The following RB1CC1 variants were observed in gnomAD, a reference collection of about 807,000 sequenced individuals.
RB1CC1 encodes RB1 inducible coiled-coil 1.
RB1CC1 carries 46 observed loss-of-function variants against 177.5 expected under a neutral mutation model. That is an observed-to-expected ratio of 0.26 (90% CI 0.20 to 0.33). RB1CC1 has a LOEUF of 0.33. Among genes scored for constraint, RB1CC1 ranks in the 10% least tolerant of loss-of-function variants. RB1CC1 has a pLI of 1.00. For synonymous variants in RB1CC1, 666 were observed against 613.6 expected (o/e 1.09, Z -1.26); for missense variants, 1,703 against 1,816.3 (o/e 0.94, Z 1.13).
At chr8:52,670,205 T>C (rs982043439) in intron 7 of RB1CC1, among the ~76,000 whole-genome samples, 1 of 152,216 alleles carries the variant, frequency 6.6e-6, no homozygotes, top group South Asian at 2.1e-4. Context: ...AGTGCTAGGA[T>C]TATAGGCATG....
At chr8:52,692,241 C>T (rs1854939120) in intron 1 of RB1CC1, among the ~76,000 whole-genome samples, 1 of 151,988 alleles carries the variant, frequency 6.6e-6, no homozygotes, top group Non-Finnish European at 1.5e-5. Context: ...AAACTGTCTG[C>T]TCTCATGAAT....
intron 1 of RB1CC1, among the ~76,000 whole-genome samples, chr8:52,688,014 A>G: frequency 6.6e-6 from 1 of 152,174 alleles, no homozygotes; most frequent in East Asian, 1.9e-4. Flanking sequence ...GTTGCCAAAT[A>G]ATACTTTTAT....
intron 3 of RB1CC1, among the ~76,000 whole-genome samples, chr8:52,684,422 T>G (rs917558778): frequency 1.3e-5 from 2 of 152,208 alleles, no homozygotes; most frequent in Non-Finnish European, 2.9e-5. Context: ...ATAATTCAAT[T>G]TTTACAACAA....
At chr8:52,654,529 G>T (rs1432162615) in intron 15 of RB1CC1, among the ~76,000 whole-genome samples, 1 of 152,210 alleles carries the variant, frequency 6.6e-6, no homozygotes, top group Non-Finnish European at 1.5e-5. Context: ...CTTGAATCTT[G>T]TAGCAGCTTC....
intron 1 of RB1CC1, among the ~76,000 whole-genome samples, chr8:52,694,647 T>G (rs1386768922): frequency 6.6e-6 from 1 of 152,152 alleles, no homozygotes; most frequent in East Asian, 1.9e-4. Flanking sequence ...TGCACATACT[T>G]TAGTTAATAC....
rs1853982291 is a variant in RB1CC1, at chr8:52,683,676, C to T, written c.242G>A (p.Cys81Tyr). Residue 81 changes from cysteine (C) to tyrosine (Y), a missense_variant, in exon 5 of 24, where the codon TGT becomes TAT. Cys to Tyr is a radical substitution (Grantham distance 194, BLOSUM62 -2). Transcript: ENST00000025008. ...TTTAGGAATAGCAGGTGGACGATCACATAAGATCATTTCTTTGTTAAAAAG... is the reference window on the plus strand; with the variant it reads ...TTTAGGAATAGCAGGTGGACGATCATATAAGATCATTTCTTTGTTAAAAAG... ...IFLFNKEMIL[C>Y]DRPPAIPKTT... 1 of 1,603,996 alleles carries T rather than the reference C, an allele frequency of 6.2e-7. No individual in the cohort carries two copies. The highest frequency in any genetic ancestry group is 8.5e-7 in the Non-Finnish European group (1 of 1,176,698).
chr8:52,643,079 A>G (rs1208202049), intron 16 of RB1CC1: 2 of 258,824 alleles, frequency 7.7e-6, no homozygotes, highest in African/African-American at 2.2e-5. Flanking sequence ...AATTTTGAAG[A>G]ATTAGAAGCA....
intron 8 of RB1CC1, among the ~76,000 whole-genome samples, chr8:52,662,887 G>A (rs529777788): frequency 2.0e-5 from 3 of 151,494 alleles, no homozygotes; most frequent in South Asian, 2.1e-4. Context: ...AACTCCTTTC[G>A]CAAAGTCTGG....
intron 1 of RB1CC1, among the ~76,000 whole-genome samples, chr8:52,691,756 G>C (rs1002913931): frequency 4.6e-5 from 7 of 152,114 alleles, no homozygotes; most frequent in African/African-American, 1.4e-4. Flanking sequence ...GTCTACCCAA[G>C]AACAACAGAG....
At chr8:52,629,014 T>C (rs1019336826) in intron 21 of RB1CC1, among the ~76,000 whole-genome samples, 6 of 152,148 alleles carry the variant, frequency 3.9e-5, no homozygotes, top group Non-Finnish European at 8.8e-5. Context: ...AGATGGGAAA[T>C]GGGGCCTCTA....
Position 52,659,007 on chromosome 8 carries a change from T to A in RB1CC1, c.1690-31A>T, listed in dbSNP as rs766133498. On this transcript the variant is annotated intron_variant, in intron 12 of 23. Coordinates refer to ENST00000025008, the MANE Select transcript of RB1CC1 (RefSeq NM_014781.5). ...CCAAAAAAATTAATTACTTAAAAAA[T>A]TTTTTTTCAACCAAAAACAGACAGC... The A allele has an allele frequency of 4.0e-4, 540 of 1,339,882 alleles. 3 individuals are homozygous for A. The East Asian group carries it at 4.5e-3, about 11-fold the overall frequency. The allele number at this position is 1,339,882 out of a possible 1,614,324, so 83.0% of individuals were successfully genotyped here.
chr8:52,686,895 A>G lies in RB1CC1; in HGVS notation c.-94T>C, dbSNP rs1854319847. ...AGGACTACCACTTTTCTTAAAAAGT[A>G]GATTAAAACTGGCTTATGTTTGCTT... On this transcript the variant is annotated 5_prime_UTR_variant, in exon 2 of 24. Coordinates refer to ENST00000025008, the MANE Select transcript of RB1CC1 (RefSeq NM_014781.5). The G allele has an allele frequency of 2.2e-6, 1 of 456,622 alleles. No homozygotes were observed. The highest frequency in any genetic ancestry group is 4.4e-6 in the Non-Finnish European group (1 of 226,942). 28.3% of individuals were successfully genotyped at this position (456,622 alleles called of 1,614,324 possible). A position where few individuals can be genotyped will look rare whatever the true frequency, so the allele number is the denominator to read the frequency against.
Position 52,645,810 on chromosome 8 carries a change from T to G in RB1CC1, c.3879A>C (p.Glu1293Asp). ...DSSSLVAELQ[E>D]KLQEEKAKFL... ...ACTTAGCTTTTTCTTCCTGAAGCTT[T>G]TCTTGAAGTTCAGCAACTAAGCTTG... is the stretch of plus-strand genomic sequence containing the variant. The change falls in exon 16 of 24, where the codon GAA becomes GAC. Residue 1293 changes from glutamate to aspartate, a missense_variant. Glu to Asp is a conservative substitution (Grantham distance 45). This residue lies in a region of RB1CC1 where 1,169 missense variants were observed against 1,184.7 expected (regional missense o/e 0.99). Coordinates refer to ENST00000025008, the MANE Select transcript of RB1CC1 (RefSeq NM_014781.5). 6.2e-7 allele frequency: 1 copy of G among 1,610,686 alleles called. No homozygotes were observed. The highest frequency in any genetic ancestry group is 8.5e-7 in the Non-Finnish European group (1 of 1,179,156).
chr8:52,678,133 T>C (rs569345974), intron 5 of RB1CC1, among the ~76,000 whole-genome samples: 4 of 152,222 alleles, frequency 2.6e-5, no homozygotes, highest in South Asian at 4.1e-4. Context: ...ATATATATAG[T>C]ATGGGCCGGG....
chr8:52,634,122 T>C (rs1362901812), intron 20 of RB1CC1, among the ~76,000 whole-genome samples: 1 of 152,024 alleles, frequency 6.6e-6, no homozygotes, highest in African/African-American at 2.4e-5. Flanking sequence ...GTCTCGATTT[T>C]TTTTTTTTAA....
chr8:52,654,659 C>T (rs1590981744), intron 15 of RB1CC1, among the ~76,000 whole-genome samples: 1 of 152,144 alleles, frequency 6.6e-6, no homozygotes, highest in African/African-American at 2.4e-5. Context: ...CTCCTCTAGG[C>T]TTCGACCTTG....
intron 1 of RB1CC1, among the ~76,000 whole-genome samples, chr8:52,699,489 T>C (rs1266146703): frequency 6.6e-6 from 1 of 151,950 alleles, no homozygotes; most frequent in Non-Finnish European, 1.5e-5. Context: ...TGCCTATCTT[T>C]CTGTGTTTTT....
chr8:52,646,113 G>A (rs1850000053), intron 15 of RB1CC1, among the ~76,000 whole-genome samples: 1 of 152,122 alleles, frequency 6.6e-6, no homozygotes, highest in African/African-American at 2.4e-5. Context: ...CAGATAATTT[G>A]CTTATATCAA....
chr8:52,637,494 C>T (rs568672655), intron 18 of RB1CC1, among the ~76,000 whole-genome samples: 2 of 152,236 alleles, frequency 1.3e-5, no homozygotes, highest in East Asian at 3.9e-4. Flanking sequence ...TGCACCACCA[C>T]AGCCAGCTCC....
Sources: allele counts gnomAD v4.1 joint callset (sites outside exome capture counted in the v4.1 genomes callset), GRCh38; gene constraint gnomAD v4.1.1; regional missense constraint gnomAD v4.1.1; transcripts MANE v1.5; gene names NCBI Gene and HGNC (gene_info 2026-07-23, HGNC 2026-07-21).